Variants in C12orf43 observed in about 807,000 individuals in gnomAD.
C12orf43 encodes protein CUSTOS.
A neutral mutation model predicts 20.6 loss-of-function variants in C12orf43; 15 were observed. The ratio of observed to expected loss-of-function variants is 0.73; its 90% confidence interval spans 0.49 to 1.12. The LOEUF is 1.12. Among genes scored for constraint, C12orf43 ranks in the 50% most tolerant of loss-of-function variants. The pLI is 0.00. For missense variants in C12orf43, 334 were observed against 344.4 expected, an observed-to-expected ratio of 0.97 and a Z score of 0.24; for synonymous variants, 144 against 130.8, an observed-to-expected ratio of 1.10 and a Z score of -0.69.
chr12:121,011,059 A>G, intron 2 of C12orf43, 45 bp downstream of exon 2: 3 of 1,604,802 alleles, frequency 1.9e-6, no homozygotes, highest in South Asian at 2.2e-5. Context: ...GCAGGGGATC[A>G]GTATTTGTTG....
In C12orf43 at chr12:121,003,761, T is replaced by C. The variant is rs915725873; in HGVS notation, c.*392A>G. 1.4e-5 allele frequency: 3 copies of C among 214,918 alleles called. No homozygotes were observed. The highest frequency in any genetic ancestry group is 2.3e-5 in the African/African-American group (1 of 43,112). The allele number at this position is 214,918 out of a possible 1,614,324, so 13.3% of individuals were successfully genotyped here. A position where few individuals can be genotyped will look rare whatever the true frequency, so the allele number is the denominator to read the frequency against. The stretch of plus-strand genomic sequence containing the variant: ...CTAAAAACTGTTTCTCACACCAGGC[T>C]AAGGAGGTGGTGGGGAAGGTCTCCC... On this transcript the variant is annotated 3_prime_UTR_variant, in exon 6 of 6. Transcript: ENST00000288757.
chr12:121,004,471 C>T lies in C12orf43; in HGVS notation c.471G>A (p.Glu157=). 6.2e-7 allele frequency: 1 copy of T among 1,606,992 alleles called. No homozygotes were observed. Among genetic ancestry groups the T allele is most frequent in the Non-Finnish European group, 8.5e-7 (1 of 1,177,070 alleles). The change falls in exon 6 of 6, where the codon GAG becomes GAA. Residue 157 remains glutamate, a synonymous_variant. Transcript: ENST00000288757. This position sits in a 1 kb window ranked among gnomAD's most constrained non-coding sequence, Gnocchi z 5.6. ...CAGCTGCCTCCCGGCACCGCCGCCA[C>T]TCCTCGTCACTGTCCTCACTGCTGC... The part of the protein sequence containing the change: ...PSSSSEDSDE[E]WRRCREAAVS...
chr12:121,016,242 A>T (rs778250837), intron 1 of C12orf43, 88 bp downstream of exon 1: 4 of 1,594,020 alleles, frequency 2.5e-6, no homozygotes. Context: ...GCCGAGTCCC[A>T]GTGACTCTCT....
chr12:121,012,849 TAAAAAAAAAAAAAA>T (rs10636003), intron 1 of C12orf43, among the ~76,000 whole-genome samples: 4 of 91,982 alleles, frequency 4.3e-5, no homozygotes, highest in Non-Finnish European at 4.3e-5. Context: ...AGACTCCGTC[TAAAAAAAAAAAAAA>T]AAAAAAAAAA....
At chr12:121,006,141 G>C in intron 4 of C12orf43, 180 bp downstream of exon 4, 1 of 554,888 alleles carries the variant, frequency 1.8e-6, no homozygotes, top group East Asian at 3.1e-5. Flanking sequence ...GCTTGGGTCC[G>C]GGAGGTTGAG....
Position 121,001,795 on chromosome 12 carries a change from G to A in C12orf43, c.*2358C>T, listed in dbSNP as rs11065390. ...CTGTGCCAGAGCCTGGGGCTCTAAC[G>A]CCTGAGCCCAGGGAGGCCGAAGCTA... is the stretch of plus-strand genomic sequence containing the variant. On this transcript the variant is annotated 3_prime_UTR_variant, in exon 6 of 6. Transcript: ENST00000288757. 0.049 allele frequency: 26,227 copies of A among 536,014 alleles called. 1,483 individuals are homozygous for A. Among genetic ancestry groups the A allele is most frequent in the East Asian group, 0.2 (5,264 of 25,764 alleles). 33.2% of individuals were successfully genotyped at this position (536,014 alleles called of 1,614,324 possible).
rs1877587367 is a variant in C12orf43 at position 121,002,590 on chromosome 12, AGAG to A, written c.*1560_*1562del. The A allele has an allele frequency of 2.4e-6, 1 of 420,136 alleles. No individual in the cohort carries two copies. The highest frequency in any genetic ancestry group is 2.1e-5 in the African/African-American group (1 of 48,212). The allele number at this position is 420,136 out of a possible 1,614,324, so 26.0% of individuals were successfully genotyped here. On this transcript the variant is annotated 3_prime_UTR_variant, in exon 6 of 6. Transcript: ENST00000288757. Reference sequence around the variant, plus strand: ...GCTGGGGCAGGCCAGAGGCCTGCGAAGAGGAGACAGGCTCCAGCACCCACGCTC... The same window carrying A: ...GCTGGGGCAGGCCAGAGGCCTGCGAAGAGACAGGCTCCAGCACCCACGCTC...
chr12:121,007,433 C>T (rs919170185), intron 3 of C12orf43, among the ~76,000 whole-genome samples: 2 of 152,168 alleles, frequency 1.3e-5, no homozygotes, highest in African/African-American at 4.8e-5. Flanking sequence ...CTCTCTGAGT[C>T]TCTGTTATCC....
Position 121,001,805 on chromosome 12 carries a change from A to G in C12orf43, c.*2348T>C. The G allele has an allele frequency of 1.9e-6, 1 of 535,886 alleles. No individual in the cohort carries two copies. The highest frequency in any genetic ancestry group is 3.6e-6 in the Non-Finnish European group (1 of 276,256). The allele number at this position is 535,886 out of a possible 1,614,324, so 33.2% of individuals were successfully genotyped here. On this transcript the variant is annotated 3_prime_UTR_variant, in exon 6 of 6. Coordinates refer to ENST00000288757, the MANE Select transcript of C12orf43 (RefSeq NM_022895.3). ...GCCTGGGGCTCTAACGCCTGAGCCC[A>G]GGGAGGCCGAAGCTAACAGGGAAGG...
rs201229780 is a variant in C12orf43 at position 121,003,025 on chromosome 12, C to CTTTTTTTTTTTTT, written c.*1127_*1128insAAAAAAAAAAAAA. The CTTTTTTTTTTTTT allele has an allele frequency of 8.3e-6, 1 of 120,276 alleles. No homozygotes were observed. Among genetic ancestry groups the CTTTTTTTTTTTTT allele is most frequent in the Non-Finnish European group, 1.9e-5 (1 of 53,916 alleles). 7.5% of individuals were successfully genotyped at this position (120,276 alleles called of 1,614,324 possible). On this transcript the variant is annotated 3_prime_UTR_variant, in exon 6 of 6. Coordinates refer to ENST00000288757, the MANE Select transcript of C12orf43 (RefSeq NM_022895.3). ...ATGAGCTTCTACTTCTTTTCTTTTT[C>CTTTTTTTTTTTTT]TTTTTCTTTTTTTTTTTTTGAGATA... is the stretch of plus-strand genomic sequence containing the variant.
rs992198676 is a variant in C12orf43, at chr12:121,005,920, A to C, written c.361+401T>G. ...ACATGACAGAACCCTGTCTCTAAAA[A>C]AAAATACAAAAATTAGCCAGGTGTG... is the stretch of plus-strand genomic sequence containing the variant. On this transcript the variant is annotated intron_variant, in intron 4 of 5. Coordinates refer to ENST00000288757, the MANE Select transcript of C12orf43 (RefSeq NM_022895.3). This position sits in a 1 kb window ranked among gnomAD's most constrained non-coding sequence, Gnocchi z 5.6. 4.7e-5 allele frequency: 8 copies of C among 171,266 alleles called. No individual in the cohort carries two copies. The highest frequency in any genetic ancestry group is 7.5e-5 in the Non-Finnish European group (6 of 80,246). 10.6% of individuals were successfully genotyped at this position (171,266 alleles called of 1,614,324 possible). A position where few individuals can be genotyped will look rare whatever the true frequency, so the allele number is the denominator to read the frequency against.
Position 121,002,703 on chromosome 12 carries a change from T to G in C12orf43, c.*1450A>C. 1 of 320,192 alleles carries G rather than the reference T, an allele frequency of 3.1e-6. No individual in the cohort carries two copies. The highest frequency in any genetic ancestry group is 6.1e-6 in the Non-Finnish European group (1 of 163,946). The allele number at this position is 320,192 out of a possible 1,614,324, so 19.8% of individuals were successfully genotyped here. A position where few individuals can be genotyped will look rare whatever the true frequency, so the allele number is the denominator to read the frequency against. On this transcript the variant is annotated 3_prime_UTR_variant, in exon 6 of 6. Coordinates refer to ENST00000288757, the MANE Select transcript of C12orf43 (RefSeq NM_022895.3). Reference sequence around the variant, plus strand: ...TCATCTTAACCTCAAGCTTCTACTTTTTAAAAAAATTTTGTTTTGGAGACA... The same window carrying G: ...TCATCTTAACCTCAAGCTTCTACTTGTTAAAAAAATTTTGTTTTGGAGACA...
Position 121,016,370 on chromosome 12 carries a change from GCCCCAAGC to G in C12orf43, c.97_104del (p.Ala33LeufsTer18). On this transcript the variant is annotated frameshift_variant, in exon 1 of 6. Transcript: ENST00000288757. LOFTEE classifies it high-confidence loss of function. ...CTGCCACGTGCGGGCGTTGCTCCAA[GCCCCAAGC>G]CGGCATTGCCGCCTCGCGGCACCGC... 2 of 1,613,796 alleles carry G rather than the reference GCCCCAAGC, an allele frequency of 1.2e-6. No individual in the cohort carries two copies. Among genetic ancestry groups the G allele is most frequent in the South Asian group, 2.2e-5 (2 of 91,078 alleles).
At position 121,004,188 on chromosome 12, in the gene C12orf43, G is replaced by A; in HGVS notation, c.754C>T (p.Pro252Ser). The A allele has an allele frequency of 6.2e-7, 1 of 1,614,188 alleles. No individual in the cohort carries two copies. Among genetic ancestry groups the A allele is most frequent in the Non-Finnish European group, 8.5e-7 (1 of 1,180,038 alleles). ...KKASETSPFP[P>S]AKSATAIPAN is the part of the protein sequence containing the mutation. ...GGTATAGCTGTAGCACTCTTTGCTG[G>A]TGGGAATGGAGAGGTCTCGCTGGCC... The change falls in exon 6 of 6, where the codon CCA becomes TCA. Residue 252 changes from proline (P) to serine (S), a missense_variant. Physicochemically the swap from Pro to Ser is moderately conservative, Grantham distance 74. Transcript: ENST00000288757. The surrounding 1 kb of genome is among the most constrained non-coding windows in gnomAD (Gnocchi z 5.6).
chr12:121,010,130 C>T (rs1021040972), intron 3 of C12orf43, among the ~76,000 whole-genome samples: 2 of 152,168 alleles, frequency 1.3e-5, no homozygotes, highest in African/African-American at 4.8e-5. Context: ...GGTGAAACCC[C>T]GTCTCTACTA....
chr12:121,001,176 C>G lies in C12orf43; in HGVS notation c.*2977G>C. On this transcript the variant is annotated 3_prime_UTR_variant, in exon 6 of 6. Transcript: ENST00000288757. ...GAGACCTTCATCTCCACCCAGATGGCCTCTTCCTCCCAGTAACCACGGCAC... is the reference window on the plus strand; with the variant it reads ...GAGACCTTCATCTCCACCCAGATGGGCTCTTCCTCCCAGTAACCACGGCAC... The G allele has an allele frequency of 3.1e-6, 5 of 1,614,092 alleles. No individual in the cohort carries two copies. Among genetic ancestry groups the G allele is most frequent in the Non-Finnish European group, 4.2e-6 (5 of 1,179,982 alleles).
In C12orf43 at chr12:121,012,849, T is replaced by TAAAAAAAAAAAAAAAAA. The variant is rs10636003; in HGVS notation, c.146-1720_146-1704dup. Among the ~76,000 whole-genome samples the TAAAAAAAAAAAAAAAAA allele has an allele frequency of 1.1e-3, 100 of 91,952 alleles. 2 individuals are homozygous for TAAAAAAAAAAAAAAAAA. The highest frequency in any genetic ancestry group is 1.9e-3 in the Admixed American group (16 of 8,514). The allele number at this position is 91,952 out of a possible 152,430, so 60.3% of individuals were successfully genotyped here. On this transcript the variant is annotated intron_variant, in intron 1 of 5. Coordinates refer to ENST00000288757, the MANE Select transcript of C12orf43 (RefSeq NM_022895.3). Reference sequence around the variant, plus strand: ...CCTGGTGACAGAGCAAGACTCCGTCTAAAAAAAAAAAAAAAAAAAAAAAAA... The same window carrying TAAAAAAAAAAAAAAAAA: ...CCTGGTGACAGAGCAAGACTCCGTCTAAAAAAAAAAAAAAAAAAAAAAAAAAAAAAAAAAAAAAAAAA...
intron 4 of C12orf43, 86 bp downstream of exon 4, chr12:121,006,235 A>T: frequency 6.8e-6 from 8 of 1,184,754 alleles, no homozygotes; most frequent in South Asian, 1.4e-5. Flanking sequence ...AAAAAAAAAA[A>T]GAATATACCA....
In C12orf43 at chr12:121,000,965, G is replaced by C. The variant is rs1877421669; in HGVS notation, c.*3188C>G. The C allele has an allele frequency of 6.7e-7, 1 of 1,502,506 alleles. No individual in the cohort carries two copies. The highest frequency in any genetic ancestry group is 1.4e-5 in the African/African-American group (1 of 73,338). 93.1% of individuals were successfully genotyped at this position (1,502,506 alleles called of 1,614,324 possible). On this transcript the variant is annotated 3_prime_UTR_variant, in exon 6 of 6. Transcript: ENST00000288757. Reference sequence around the variant, plus strand: ...CCTGTTATCTGCTGTGATCCAGGAGGTGTGGCCCTGCCTCCCCATCCTGAG... The same window carrying C: ...CCTGTTATCTGCTGTGATCCAGGAGCTGTGGCCCTGCCTCCCCATCCTGAG...
Sources: allele counts gnomAD v4.1 joint callset (sites outside exome capture counted in the v4.1 genomes callset), GRCh38; gene constraint gnomAD v4.1.1; non-coding constraint Gnocchi (gnomAD v3.1); transcripts MANE v1.5; gene names NCBI Gene and HGNC (gene_info 2026-07-23, HGNC 2026-07-21).